PDE6A: variants seen among roughly 807,000 people sequenced by gnomAD.
The protein encoded by PDE6A is phosphodiesterase 6A.
PDE6A carries 84 observed loss-of-function variants against 106.3 expected under a neutral mutation model. That is an observed-to-expected ratio of 0.79 (90% CI 0.66 to 0.95). The LOEUF (loss-of-function observed/expected upper bound fraction) is 0.95. Among genes scored for constraint, PDE6A ranks in the 40% least tolerant of loss-of-function variants. PDE6A has a pLI of 0.00. For missense variants in PDE6A, 1,052 were observed against 1,084.9 expected (o/e 0.97, Z 0.43); for synonymous variants, 394 against 386.6 (o/e 1.02, Z -0.23).
At chr5:149,880,484 G>A (rs1240717404) in intron 17 of PDE6A, among the ~76,000 whole-genome samples, 1 of 152,094 alleles carries the variant, frequency 6.6e-6, no homozygotes, top group East Asian at 1.9e-4. Context: ...GGCCGAGGTG[G>A]GCGGATCACG....
chr5:149,915,831 G>A (rs1255839403), intron 5 of PDE6A, among the ~76,000 whole-genome samples: 1 of 152,216 alleles, frequency 6.6e-6, no homozygotes, highest in African/African-American at 2.4e-5. Context: ...CTTGAAACCA[G>A]TTTTATCTGA....
chr5:149,939,887 AGAGG>A (rs954036032), intron 1 of PDE6A: 5 of 152,052 alleles, frequency 3.3e-5, no homozygotes, highest in African/African-American at 9.7e-5. Context: ...AGAGCAATTA[AGAGG>A]AATTAAGGCT....
intron 8 of PDE6A, 125 bp downstream of exon 8, chr5:149,903,522 TC>T: frequency 1.3e-6 from 1 of 770,136 alleles, no homozygotes; most frequent in Non-Finnish European, 2.3e-6. Context: ...AGGAATTTTA[TC>T]CTGTCATATT....
chr5:149,886,240 G>C, intron 14 of PDE6A, 25 bp downstream of exon 14: 2 of 1,494,158 alleles, frequency 1.3e-6, no homozygotes, highest in Non-Finnish European at 1.9e-6. Context: ...CGGAGGGTTG[G>C]GTGTGGGGAG....
intron 6 of PDE6A, among the ~76,000 whole-genome samples, chr5:149,910,142 C>T (rs1753329964): frequency 6.6e-6 from 1 of 152,082 alleles, no homozygotes. Context: ...GGTAGATTGA[C>T]CCCTTTATCA....
chr5:149,911,842 CAAAAAA>C (rs11430549), intron 6 of PDE6A, among the ~76,000 whole-genome samples: 27 of 66,088 alleles, frequency 4.1e-4, no homozygotes, highest in South Asian at 2.0e-3. Context: ...TCTCTATTAC[CAAAAAA>C]AAAAAAAAAA....
intron 7 of PDE6A, among the ~76,000 whole-genome samples, chr5:149,905,668 A>T (rs1753153427): frequency 6.6e-6 from 1 of 152,108 alleles, no homozygotes; most frequent in African/African-American, 2.4e-5. Flanking sequence ...TGAGTATTAA[A>T]TTTAGGTAGT....
chr5:149,864,854 G>C (rs1376494211), intron 20 of PDE6A, among the ~76,000 whole-genome samples: 1 of 152,188 alleles, frequency 6.6e-6, no homozygotes, highest in African/African-American at 2.4e-5. Flanking sequence ...AATCAGGACA[G>C]TAATAATACC....
chr5:149,943,665 T>C (rs1754378993), intron 1 of PDE6A, among the ~76,000 whole-genome samples: 1 of 149,260 alleles, frequency 6.7e-6, no homozygotes, highest in South Asian at 2.1e-4. Context: ...ATTCCGTCAT[T>C]GTACTGTGGA....
rs568428704 is a variant in PDE6A, at chr5:149,889,081, C to CAAAAAAAAAAA, written c.1729-2718_1729-2708dup. ...TGGGCGACAGAGTGAGACTCTGTCT[C>CAAAAAAAAAAA]AAAAAAAAAAAAAAAAAGATCAGAA... On this transcript the variant is annotated intron_variant, in intron 13 of 21. Coordinates refer to ENST00000255266, the MANE Select transcript of PDE6A (RefSeq NM_000440.3). 3.2e-4 allele frequency among the ~76,000 whole-genome samples: 20 copies of CAAAAAAAAAAA among 61,556 alleles called. 1 individual carries two copies. The highest frequency in any genetic ancestry group is 1.4e-3 in the African/African-American group (19 of 14,052). The allele number at this position is 61,556 out of a possible 152,430, so 40.4% of individuals were successfully genotyped here. A position where few individuals can be genotyped will look rare whatever the true frequency, so the allele number is the denominator to read the frequency against.
chr5:149,884,452 A>G, intron 16 of PDE6A, 27 bp downstream of exon 16: 1 of 1,414,064 alleles, frequency 7.1e-7, no homozygotes, highest in Non-Finnish European at 1.0e-6. Context: ...TGTTGCTTTT[A>G]CTATTAGAAT....
intron 6 of PDE6A, among the ~76,000 whole-genome samples, chr5:149,908,423 A>G (rs1417043605): frequency 6.6e-6 from 1 of 151,968 alleles, no homozygotes; most frequent in African/African-American, 2.4e-5. Flanking sequence ...AGCAATTAAC[A>G]CTCCTATCAG....
intron 4 of PDE6A, among the ~76,000 whole-genome samples, chr5:149,925,607 T>A (rs1411371780): frequency 1.3e-5 from 2 of 149,714 alleles, no homozygotes; most frequent in Admixed American, 1.4e-4. Flanking sequence ...CTCAGGAGGC[T>A]GAGGCATGAG....
At chr5:149,927,849 A>G (rs1158902795) in intron 4 of PDE6A, among the ~76,000 whole-genome samples, 1 of 151,296 alleles carries the variant, frequency 6.6e-6, no homozygotes, top group Non-Finnish European at 1.5e-5. Flanking sequence ...TTTACTTTCT[A>G]AACTTTTTTG....
chr5:149,920,597 G>A (rs750423868), intron 5 of PDE6A, among the ~76,000 whole-genome samples: 1 of 152,018 alleles, frequency 6.6e-6, no homozygotes, highest in Non-Finnish European at 1.5e-5. Context: ...AGAAAGTGGC[G>A]GGGACTGTGG....
chr5:149,883,817 A>G (rs1761020672), intron 16 of PDE6A, among the ~76,000 whole-genome samples: 1 of 152,230 alleles, frequency 6.6e-6, no homozygotes, highest in Non-Finnish European at 1.5e-5. Flanking sequence ...GCAAGAATCA[A>G]TGTGTCCATA....
chr5:149,888,144 T>G (rs1015420756), intron 13 of PDE6A, among the ~76,000 whole-genome samples: 3 of 151,914 alleles, frequency 2.0e-5, no homozygotes, highest in Non-Finnish European at 4.4e-5. Context: ...ATCTCAAAAG[T>G]AAAAAAAGAT....
chr5:149,941,353 G>A (rs1754322510), intron 1 of PDE6A, among the ~76,000 whole-genome samples: 1 of 152,200 alleles, frequency 6.6e-6, no homozygotes, highest in African/African-American at 2.4e-5. Context: ...TGAAGGATGA[G>A]TAGGAGTTGG....
chr5:149,921,645 G>A lies in PDE6A; in HGVS notation c.923C>T (p.Pro308Leu), dbSNP rs199925117. ...EVPPYSGPRT[P>L]DGREINFYKV... is the part of the protein sequence containing the mutation. ...TCAGAGAGAACGTACTCTTCCATCC[G>A]GAGTCCTGGGACCAGAGTAAGGTGG... The change falls in exon 5 of 22, where the codon CCG becomes CTG. Residue 308 changes from proline (P) to leucine (L), a missense_variant. By Grantham distance (98) the Pro-to-Leu change is moderately conservative (BLOSUM62 -3). Coordinates refer to ENST00000255266, the MANE Select transcript of PDE6A (RefSeq NM_000440.3). The A allele has an allele frequency of 2.2e-5, 35 of 1,612,852 alleles. No homozygotes were observed. Among genetic ancestry groups the A allele is most frequent in the South Asian group, 4.4e-5 (4 of 91,022 alleles).
Sources: allele counts gnomAD v4.1 joint callset (sites outside exome capture counted in the v4.1 genomes callset), GRCh38; gene constraint gnomAD v4.1.1; transcripts MANE v1.5; gene names NCBI Gene and HGNC (gene_info 2026-07-23, HGNC 2026-07-21).